The following TBC1D22B variants were observed in gnomAD, a reference collection of about 807,000 sequenced individuals.
TBC1D22B encodes chromosome 6 open reading frame 197.
TBC1D22B carries 32 observed loss-of-function variants against 69.1 expected under a neutral mutation model. The ratio of observed to expected loss-of-function variants is 0.46; its 90% confidence interval spans 0.35 to 0.62. The LOEUF is 0.62. TBC1D22B is among the 20% of genes least tolerant of loss of function. The probability of loss-of-function intolerance (pLI) is 0.00; values close to 1 mark genes in which losing one functional copy is unlikely to be tolerated. For synonymous variants in TBC1D22B, 206 were observed against 229.8 expected (o/e 0.90, Z 0.94); for missense variants, 462 against 630.9 (o/e 0.73, Z 2.87).
At chr6:37,322,465 C>T (rs1219119413) in intron 12 of TBC1D22B, among the ~76,000 whole-genome samples, 2 of 151,994 alleles carry the variant, frequency 1.3e-5, no homozygotes, top group African/African-American at 2.4e-5. Flanking sequence ...TGCAGTGAGC[C>T]GAGATCGTGC....
intron 6 of TBC1D22B, among the ~76,000 whole-genome samples, chr6:37,284,931 A>G (rs1022028063): frequency 2.0e-5 from 3 of 152,174 alleles, no homozygotes; most frequent in Admixed American, 6.5e-5. Context: ...TGACATCAGT[A>G]TGTCTTCCTG....
At chr6:37,310,954 T>A (rs1767891063) in intron 8 of TBC1D22B, among the ~76,000 whole-genome samples, 1 of 152,232 alleles carries the variant, frequency 6.6e-6, no homozygotes, top group East Asian at 1.9e-4. Context: ...CTTGAGATGT[T>A]TTGTCTTTCC....
intron 8 of TBC1D22B, among the ~76,000 whole-genome samples, chr6:37,296,048 A>G (rs1000678505): frequency 3.3e-5 from 5 of 152,218 alleles, no homozygotes; most frequent in African/African-American, 9.6e-5. Context: ...TAGCAAAAAG[A>G]TTATGACTTG....
chr6:37,320,138 A>G (rs1171816550), intron 12 of TBC1D22B, among the ~76,000 whole-genome samples: 2 of 152,368 alleles, frequency 1.3e-5, no homozygotes, highest in African/African-American at 2.4e-5. Context: ...CTTGAAGAAC[A>G]GGGAAAAAGA....
Position 37,330,222 on chromosome 6 carries a change from C to CTT in TBC1D22B, c.1390-788_1390-787dup, listed in dbSNP as rs67372032. Among the ~76,000 whole-genome samples the CTT allele has an allele frequency of 5.1e-3, 383 of 75,510 alleles. 43 individuals carry two copies. The highest frequency in any genetic ancestry group is 7.2e-3 in the Non-Finnish European group (297 of 41,524). The allele number at this position is 75,510 out of a possible 152,430, so 49.5% of individuals were successfully genotyped here. A position where few individuals can be genotyped will look rare whatever the true frequency, so the allele number is the denominator to read the frequency against. On this transcript the variant is annotated intron_variant, in intron 12 of 12. Coordinates refer to ENST00000373491, the MANE Select transcript of TBC1D22B (RefSeq NM_017772.4). Reference sequence around the variant, plus strand: ...GATGTTATAAATATTTTGTCCGTTTCTTTTTTTTTTTTTTTTTTTTTTTTT... The same window carrying CTT: ...GATGTTATAAATATTTTGTCCGTTTCTTTTTTTTTTTTTTTTTTTTTTTTTTT...
chr6:37,294,587 G>T (rs1042724547), intron 8 of TBC1D22B, among the ~76,000 whole-genome samples: 2 of 152,152 alleles, frequency 1.3e-5, no homozygotes, highest in African/African-American at 2.4e-5. Context: ...GTTGAAGCCC[G>T]TGCTCATTTA....
rs137883458 is a variant in TBC1D22B at position 37,324,573 on chromosome 6, C to G, written c.1390-6471C>G. ...TAGAAGGCTAACATATGCTTTGGAT[C>G]GCTTGGCAGTGTGACACCAATATGG... On this transcript the variant is annotated intron_variant, in intron 12 of 12. Coordinates refer to ENST00000373491, the MANE Select transcript of TBC1D22B (RefSeq NM_017772.4). 3.1e-3 allele frequency among the ~76,000 whole-genome samples: 478 copies of G among 152,184 alleles called. 3 individuals are homozygous for G. The highest frequency in any genetic ancestry group is 3.5e-3 in the Non-Finnish European group (238 of 68,016).
chr6:37,292,082 T>C (rs973025370), intron 8 of TBC1D22B, among the ~76,000 whole-genome samples: 4 of 152,204 alleles, frequency 2.6e-5, no homozygotes, highest in Non-Finnish European at 5.9e-5. Context: ...TTTCCTTAGG[T>C]AAGGAGAACC....
chr6:37,258,041 C>A, intron 1 of TBC1D22B, 68 bp downstream of exon 1: 1 of 1,556,070 alleles, frequency 6.4e-7, no homozygotes, highest in Non-Finnish European at 8.7e-7. Flanking sequence ...TCCCTGAATC[C>A]CGCGGGCCTG....
At chr6:37,262,900 A>G (rs1766153673) in intron 1 of TBC1D22B, among the ~76,000 whole-genome samples, 1 of 152,248 alleles carries the variant, frequency 6.6e-6, no homozygotes, top group African/African-American at 2.4e-5. Flanking sequence ...AGCTATGTCA[A>G]TACATTCTAT....
intron 10 of TBC1D22B, among the ~76,000 whole-genome samples, chr6:37,314,462 G>A (rs1042164310): frequency 6.6e-6 from 1 of 152,162 alleles, no homozygotes; most frequent in African/African-American, 2.4e-5. Context: ...ACTTGTGTGG[G>A]GTGGGGAAAT....
At chr6:37,304,219 T>C (rs776478799) in intron 8 of TBC1D22B, among the ~76,000 whole-genome samples, 4 of 152,212 alleles carry the variant, frequency 2.6e-5, no homozygotes, top group African/African-American at 4.8e-5. Flanking sequence ...AGCACCCACA[T>C]GTGCAGGGCA....
chr6:37,298,296 T>C (rs897967757), intron 8 of TBC1D22B, among the ~76,000 whole-genome samples: 1 of 152,194 alleles, frequency 6.6e-6, no homozygotes, highest in Non-Finnish European at 1.5e-5. Flanking sequence ...CTTCCAGACC[T>C]TTTCCTATGT....
At chr6:37,265,880 G>C (rs1323798323) in intron 1 of TBC1D22B, among the ~76,000 whole-genome samples, 1 of 152,124 alleles carries the variant, frequency 6.6e-6, no homozygotes, top group Non-Finnish European at 1.5e-5. Context: ...TTATTTAAGA[G>C]CATCCTTTAG....
At chr6:37,273,749 C>T (rs974434504) in intron 2 of TBC1D22B, among the ~76,000 whole-genome samples, 2 of 152,148 alleles carry the variant, frequency 1.3e-5, no homozygotes, top group African/African-American at 4.8e-5. Flanking sequence ...CATGGGGTCG[C>T]GTCTATGTCT....
chr6:37,323,984 C>T (rs535416463), intron 12 of TBC1D22B, among the ~76,000 whole-genome samples: 24 of 152,322 alleles, frequency 1.6e-4, no homozygotes, highest in African/African-American at 5.5e-4. Context: ...AAAAGTTTGA[C>T]TCTCAACAAG....
chr6:37,305,517 T>TA (rs756505235), intron 8 of TBC1D22B, among the ~76,000 whole-genome samples: 113 of 89,380 alleles, frequency 1.3e-3, no homozygotes, highest in Non-Finnish European at 1.4e-3. Flanking sequence ...TAGTTTTGCC[T>TA]ATTTCCTTTT....
intron 12 of TBC1D22B, among the ~76,000 whole-genome samples, chr6:37,321,787 A>G (rs1768251784): frequency 6.6e-6 from 1 of 152,032 alleles, no homozygotes. Flanking sequence ...TGGAGCTCTC[A>G]GGCTTCTGTT....
Position 37,269,600 on chromosome 6 carries a change from G to A in TBC1D22B, c.63G>A (p.Gln21=). 1 of 1,614,004 alleles carries A rather than the reference G, an allele frequency of 6.2e-7. No homozygotes were observed. The highest frequency in any genetic ancestry group is 8.5e-7 in the Non-Finnish European group (1 of 1,179,962). ...CTTTTGTTTTTGCTTTTAGCATTCA[G>A]CCTGTATATGGAGCACAGCATCCTC... ...KRSAKLPGSI[Q]PVYGAQHPPL... The change falls in exon 2 of 13, where the codon CAG becomes CAA. Residue 21 remains glutamine (Q), a synonymous_variant. Coordinates refer to ENST00000373491, the MANE Select transcript of TBC1D22B (RefSeq NM_017772.4).
Sources: gnomAD v4.1 joint callset for allele counts (sites outside exome capture counted in the v4.1 genomes callset) on GRCh38, gnomAD v4.1.1 for gene constraint, MANE v1.5 for transcripts, NCBI Gene and HGNC (gene_info 2026-07-23, HGNC 2026-07-21) for gene names.